The following ANO10 variants were observed in gnomAD, a reference collection of about 807,000 sequenced individuals.
The protein encoded by ANO10 is anoctamin-10.
In ANO10, 77 loss-of-function variants were observed where a neutral mutation model predicts 74.7. The observed-to-expected ratio is 1.03, with a 90% CI of 0.86 to 1.25. The LOEUF (loss-of-function observed/expected upper bound fraction) is 1.25, where lower values mean the gene tolerates loss of function less well. Ranked by LOEUF, ANO10 falls within the 50% of genes most tolerant of loss-of-function variation. The pLI is 0.00. For synonymous variants in ANO10, 279 were observed against 284.9 expected (o/e 0.98, Z 0.21); for missense variants, 721 against 778.1 (o/e 0.93, Z 0.87).
At chr3:43,688,903 G>A (rs2084311567) in intron 1 of ANO10, among the ~76,000 whole-genome samples, 1 of 152,008 alleles carries the variant, frequency 6.6e-6, no homozygotes, top group Non-Finnish European at 1.5e-5. Flanking sequence ...AGGTTAATTG[G>A]CTCATGGTTC....
At chr3:43,670,715 G>C (rs1490724197) in intron 1 of ANO10, among the ~76,000 whole-genome samples, 2 of 152,170 alleles carry the variant, frequency 1.3e-5, no homozygotes, top group Admixed American at 6.5e-5. Flanking sequence ...TTTGCATTTT[G>C]GCACTAAAGT....
intron 1 of ANO10, among the ~76,000 whole-genome samples, chr3:43,620,621 C>T (rs1407623084): frequency 1.3e-5 from 2 of 152,016 alleles, no homozygotes; most frequent in African/African-American, 4.8e-5. Flanking sequence ...CTACTAAAAA[C>T]ACAAAAATTA....
chr3:43,379,454 C>T (rs1158353881), intron 12 of ANO10, among the ~76,000 whole-genome samples: 2 of 150,466 alleles, frequency 1.3e-5, no homozygotes, highest in African/African-American at 2.5e-5. Context: ...TGGAGGCCCA[C>T]ATCGTGAACT....
chr3:43,513,536 G>A (rs1001562393), intron 11 of ANO10, among the ~76,000 whole-genome samples: 13 of 151,868 alleles, frequency 8.6e-5, no homozygotes, highest in African/African-American at 2.9e-4. Context: ...TTGAGACGGA[G>A]TCTCACTCTC....
chr3:43,449,787 T>C (rs1459765401), intron 11 of ANO10, among the ~76,000 whole-genome samples: 2 of 152,204 alleles, frequency 1.3e-5, no homozygotes, highest in African/African-American at 4.8e-5. Flanking sequence ...CCACTCCACA[T>C]AAACAATAGA....
chr3:43,664,579 T>C (rs1025079796), intron 1 of ANO10, among the ~76,000 whole-genome samples: 1 of 152,140 alleles, frequency 6.6e-6, no homozygotes, highest in Non-Finnish European at 1.5e-5. Context: ...GAAACTATCA[T>C]CAGAGTGAAC....
intron 12 of ANO10, among the ~76,000 whole-genome samples, chr3:43,391,710 T>C (rs2092278673): frequency 6.6e-6 from 1 of 152,138 alleles, no homozygotes; most frequent in East Asian, 1.9e-4. Context: ...AGAGGTCCCA[T>C]AGTGGTGAGG....
At chr3:43,562,978 T>C (rs949447600) in intron 8 of ANO10, among the ~76,000 whole-genome samples, 6 of 152,044 alleles carry the variant, frequency 3.9e-5, no homozygotes, top group African/African-American at 9.7e-5. Flanking sequence ...TGTGACTATA[T>C]TAAAGAAAAA....
chr3:43,646,237 T>C (rs977767880), intron 1 of ANO10, among the ~76,000 whole-genome samples: 9 of 152,244 alleles, frequency 5.9e-5, no homozygotes, highest in Admixed American at 2.0e-4. Context: ...TGTTTTACTC[T>C]GATACAATGT....
chr3:43,610,672 T>C (rs1412972937), intron 1 of ANO10, among the ~76,000 whole-genome samples: 1 of 152,214 alleles, frequency 6.6e-6, no homozygotes, highest in Non-Finnish European at 1.5e-5. Context: ...TGACTGTACA[T>C]GCATGTGTCT....
At chr3:43,658,862 G>A (rs2083887661) in intron 1 of ANO10, among the ~76,000 whole-genome samples, 1 of 152,170 alleles carries the variant, frequency 6.6e-6, no homozygotes, top group African/African-American at 2.4e-5. Context: ...ACTTTAGAGA[G>A]GTGCAGTAGT....
intron 11 of ANO10, among the ~76,000 whole-genome samples, chr3:43,438,948 G>C (rs756023933): frequency 2.0e-5 from 3 of 151,974 alleles, no homozygotes; most frequent in Non-Finnish European, 2.9e-5. Flanking sequence ...GAGGAGAAGA[G>C]ACAGAAAGAA....
intron 11 of ANO10, among the ~76,000 whole-genome samples, chr3:43,494,562 A>T (rs1400609701): frequency 2.6e-5 from 4 of 152,194 alleles, no homozygotes; most frequent in Non-Finnish European, 5.9e-5. Flanking sequence ...AGAAAAACTA[A>T]CAACCAATTA....
upstream of ANO10, among the ~76,000 whole-genome samples, chr3:43,623,673 T>C (rs144784992): frequency 4.5e-3 from 680 of 152,326 alleles, 3 homozygotes; most frequent in Middle Eastern, 0.014. Flanking sequence ...TCTTCCAGGT[T>C]CCAGGCAGGA....
intron 1 of ANO10, among the ~76,000 whole-genome samples, chr3:43,653,818 C>A (rs754001479): frequency 2.6e-5 from 4 of 152,192 alleles, no homozygotes; most frequent in African/African-American, 7.2e-5. Flanking sequence ...TCAGAAGAAT[C>A]TGAGCCCCTC....
chr3:43,567,761 A>G (rs1380545675), intron 7 of ANO10, among the ~76,000 whole-genome samples: 1 of 152,152 alleles, frequency 6.6e-6, no homozygotes, highest in East Asian at 1.9e-4. Context: ...GAGACTAGGA[A>G]GAAACTGCAT....
chr3:43,496,614 A>T (rs548370255), intron 11 of ANO10, among the ~76,000 whole-genome samples: 5 of 151,838 alleles, frequency 3.3e-5, no homozygotes, highest in South Asian at 2.1e-4. Flanking sequence ...ACATATATAT[A>T]TTTTTTGGGG....
intron 12 of ANO10, among the ~76,000 whole-genome samples, chr3:43,431,011 T>C (rs1395908522): frequency 2.0e-5 from 3 of 151,710 alleles, no homozygotes; most frequent in Non-Finnish European, 4.4e-5. Context: ...TGTAACTTGC[T>C]TCCTTACCAA....
intron 11 of ANO10, among the ~76,000 whole-genome samples, chr3:43,517,432 C>T (rs2077755784): frequency 6.6e-6 from 1 of 151,992 alleles, no homozygotes; most frequent in African/African-American, 2.4e-5. Context: ...GCTGTAACCC[C>T]CAATGTGGCT....
Sources: allele counts gnomAD v4.1 joint callset (sites outside exome capture counted in the v4.1 genomes callset), GRCh38; gene constraint gnomAD v4.1.1; transcripts MANE v1.5; gene names NCBI Gene and HGNC (gene_info 2026-07-23, HGNC 2026-07-21).